The following DNASE2 variants were observed in gnomAD, a reference collection of about 807,000 sequenced individuals.
DNASE2 encodes the protein deoxyribonuclease-2-alpha.
In DNASE2, 26 loss-of-function variants were observed where a neutral mutation model predicts 29.8. That is an observed-to-expected ratio of 0.87 (90% CI 0.64 to 1.21). The LOEUF is 1.21. Ranked by LOEUF, DNASE2 falls within the 50% of genes most tolerant of loss-of-function variation. The probability of loss-of-function intolerance (pLI) is 0.00; values close to 1 mark genes in which losing one functional copy is unlikely to be tolerated. For missense variants in DNASE2, 415 were observed against 455.6 expected (o/e 0.91, Z 0.81); for synonymous variants, 186 against 193.5 (o/e 0.96, Z 0.32).
At chr19:12,880,724 G>C in intron 3 of DNASE2, 78 bp downstream of exon 3, 4 of 1,582,764 alleles carry the variant, frequency 2.5e-6, no homozygotes, top group Admixed American at 1.7e-5. Context: ...AGATCTCCCC[G>C]ACCACCCCAT....
At position 12,881,112 on chromosome 19, in the gene DNASE2, C is replaced by G. The variant is rs779530442; in HGVS notation, c.127G>C (p.Glu43Gln). 2 of 1,611,770 alleles carry G rather than the reference C, an allele frequency of 1.2e-6. No homozygotes were observed. Among genetic ancestry groups the G allele is most frequent in the Admixed American group, 1.7e-5 (1 of 60,004 alleles). Residue 43 changes from glutamate to glutamine, a missense_variant, in exon 2 of 6, where the codon GAG (glutamate) becomes CAG (glutamine). Glu to Gln is a conservative substitution (Grantham distance 29, BLOSUM62 2). Coordinates refer to ENST00000222219, the MANE Select transcript of DNASE2 (RefSeq NM_001375.3). ...YKLPALRGSG[E>Q]AAQRGLQYKY... ...TACTGCAGCCCTCTCTGCGCCGCCT[C>G]CCCGGACCCTCTAAGAGCTGGCAGC...
chr19:12,881,316 G>A lies in DNASE2; in HGVS notation c.60C>T (p.Tyr20=), dbSNP rs1327349557. The A allele has an allele frequency of 3.2e-6, 5 of 1,571,674 alleles. No homozygotes were observed. The Admixed American group carries it at 9.4e-5, about 30-fold the overall frequency. The change falls in exon 1 of 6, where the codon TAC becomes TAT. Residue 20 remains tyrosine, a synonymous_variant. Coordinates refer to ENST00000222219, the MANE Select transcript of DNASE2 (RefSeq NM_001375.3). ...LCVPAGALTC[Y]GDSGQPVDWF... ...AGTCTACAGGCTGCCCGGAGTCCCC[G>A]TAGCAGGTCAGGGCCCCGGCGGGGA...
In DNASE2 at chr19:12,875,708, C is replaced by CTTT; in HGVS notation, c.*279_*281dup. ...TGCACCCACCCGTCCCCCGCCCCCC[C>CTTT]TTTTTTTTTGAAACAGAGTCTTGCT... On this transcript the variant is annotated 3_prime_UTR_variant, in exon 6 of 6. Transcript: ENST00000222219. 3.3e-6 allele frequency: 1 copy of CTTT among 300,398 alleles called. No individual in the cohort carries two copies. Among genetic ancestry groups the CTTT allele is most frequent in the South Asian group, 3.6e-5 (1 of 27,936 alleles). 18.6% of individuals were successfully genotyped at this position (300,398 alleles called of 1,614,324 possible).
At chr19:12,880,102 C>CAA (rs71168631) in intron 3 of DNASE2, among the ~76,000 whole-genome samples, 14 of 42,444 alleles carry the variant, frequency 3.3e-4, no homozygotes, top group East Asian at 5.3e-4. Flanking sequence ...GAGAGTGCCG[C>CAA]AAAAAAAAAA....
chr19:12,881,086 G>T lies in DNASE2; in HGVS notation c.153C>A (p.Tyr51Ter). Reference sequence around the variant, plus strand: ...CTCCGGAGCTCTCGTCCAGATACTTGTACTGCAGCCCTCTCTGCGCCGCCT... The same window carrying T: ...CTCCGGAGCTCTCGTCCAGATACTTTTACTGCAGCCCTCTCTGCGCCGCCT... The part of the protein sequence containing the change: ...SGEAAQRGLQ[Y>*]KYLDESSGGW... Residue 51 changes from tyrosine to a stop codon, truncating the protein, a stop_gained, in exon 2 of 6, where the codon TAC (tyrosine) becomes TAA (stop). Transcript: ENST00000222219. LOFTEE classifies it high-confidence loss of function. 6.2e-7 allele frequency: 1 copy of T among 1,612,376 alleles called. No homozygotes were observed.
At position 12,878,561 on chromosome 19, in the gene DNASE2, G is replaced by T. The variant is rs919748766; in HGVS notation, c.530C>A (p.Thr177Asn). ...FSKMGKQLTY[T>N]YPWVYNYQLE... ...CTGGTAGTTATAGACCCAGGGGTAG[G>T]TGTAGGTCAGCTGCTTGCCTGGAGG... is the stretch of plus-strand genomic sequence containing the variant. The change falls in exon 5 of 6, where the codon ACC (threonine) becomes AAC (asparagine). Residue 177 changes from threonine (T) to asparagine (N), a missense_variant. Coordinates refer to ENST00000222219, the MANE Select transcript of DNASE2 (RefSeq NM_001375.3). The T allele has an allele frequency of 1.9e-6, 3 of 1,614,150 alleles. No individual in the cohort carries two copies.
At chr19:12,878,023 CA>C (rs1970339178) in intron 5 of DNASE2, 1 of 349,928 alleles carries the variant, frequency 2.9e-6, no homozygotes, top group African/African-American at 2.1e-5. Flanking sequence ...CTATGTTTCC[CA>C]GGCTTGTCTT....
chr19:12,880,265 A>G (rs970316083), intron 3 of DNASE2, among the ~76,000 whole-genome samples: 1 of 151,696 alleles, frequency 6.6e-6, no homozygotes, highest in African/African-American at 2.4e-5. Context: ...GACCTTGTCT[A>G]AAAGAAAATA....
At chr19:12,878,086 A>T in intron 5 of DNASE2, 1 of 423,216 alleles carries the variant, frequency 2.4e-6, no homozygotes, top group South Asian at 2.1e-5. Flanking sequence ...AGTAACTGGG[A>T]TTACAGGAGT....
chr19:12,880,827 G>T lies in DNASE2; in HGVS notation c.321C>A (p.Asp107Glu). 1.2e-6 allele frequency: 2 copies of T among 1,614,244 alleles called. No individual in the cohort carries two copies. Among genetic ancestry groups the T allele is most frequent in the Middle Eastern group, 1.7e-4 (1 of 6,060 alleles). The change falls in exon 3 of 6, where the codon GAC becomes GAA. Residue 107 changes from aspartate to glutamate, a missense_variant. By Grantham distance (45) the Asp-to-Glu change is conservative. Transcript: ENST00000222219. ...CCTTCGTGTGCCCACGCATGGAAGAGTCCTGAGCCTTGCTGGGTTGAGGCG... is the reference window on the plus strand; with the variant it reads ...CCTTCGTGTGCCCACGCATGGAAGATTCCTGAGCCTTGCTGGGTTGAGGCG... Reference protein sequence around the residue: ...DQPPQPSKAQDSSMRGHTKGV... With the variant: ...DQPPQPSKAQESSMRGHTKGV...
intron 5 of DNASE2, 84 bp from the exon 6 acceptor site, chr19:12,876,447 T>C: frequency 2.0e-6 from 3 of 1,482,734 alleles, no homozygotes; most frequent in Non-Finnish European, 2.7e-6. Context: ...CTCAGCTCAG[T>C]TTCCATATTT....
Position 12,875,793 on chromosome 19 carries a change from G to A in DNASE2, c.*197C>T, listed in dbSNP as rs1016329104. ...TGACCATGATCTCCCTGGTTCAATC[G>A]ATCCTCTGGCTTCAGTGGCTGGGAC... On this transcript the variant is annotated 3_prime_UTR_variant, in exon 6 of 6. Coordinates refer to ENST00000222219, the MANE Select transcript of DNASE2 (RefSeq NM_001375.3). 1.7e-6 allele frequency: 1 copy of A among 573,180 alleles called. No homozygotes were observed. Among genetic ancestry groups the A allele is most frequent in the Non-Finnish European group, 3.0e-6 (1 of 334,968 alleles). 35.5% of individuals were successfully genotyped at this position (573,180 alleles called of 1,614,324 possible).
At chr19:12,876,458 C>CA in intron 5 of DNASE2, 95 bp from the exon 6 acceptor site, 1 of 1,380,630 alleles carries the variant, frequency 7.2e-7, no homozygotes, top group Non-Finnish European at 9.5e-7. Flanking sequence ...TTCCATATTT[C>CA]CTTTTTTTTT....
At chr19:12,876,414 A>G (rs187276949) in intron 5 of DNASE2, 51 bp from the exon 6 acceptor site, 7 of 1,585,194 alleles carry the variant, frequency 4.4e-6, no homozygotes, top group Middle Eastern at 2.1e-4. Context: ...ACTGCGAGGG[A>G]GTCCCTAGTC....
At position 12,881,116 on chromosome 19, in the gene DNASE2, G is replaced by C. The variant is rs758872356; in HGVS notation, c.123C>G (p.Ser41=). The C allele has an allele frequency of 6.2e-7, 1 of 1,611,774 alleles. No homozygotes were observed. Among genetic ancestry groups the C allele is most frequent in the Non-Finnish European group, 8.5e-7 (1 of 1,179,984 alleles). The part of the protein sequence containing the change: ...VVYKLPALRG[S]GEAAQRGLQY... ...GCAGCCCTCTCTGCGCCGCCTCCCC[G>C]GACCCTCTAAGAGCTGGCAGCTTGT... Residue 41 remains serine (S), a synonymous_variant, in exon 2 of 6, where the codon TCC becomes TCG. Transcript: ENST00000222219.
chr19:12,875,896 T>A lies in DNASE2; in HGVS notation c.*94A>T. ...TGTGGTCTCACTATGTAGCCCAGGC[T>A]GGTCTCGAATTCCTGAGTTCAAGTG... On this transcript the variant is annotated 3_prime_UTR_variant, in exon 6 of 6. Transcript: ENST00000222219. 1 of 1,524,412 alleles carries A rather than the reference T, an allele frequency of 6.6e-7. No homozygotes were observed. The highest frequency in any genetic ancestry group is 1.7e-5 in the Admixed American group (1 of 57,810). 94.4% of individuals were successfully genotyped at this position (1,524,412 alleles called of 1,614,324 possible). A position where few individuals can be genotyped will look rare whatever the true frequency, so the allele number is the denominator to read the frequency against.
In DNASE2 at chr19:12,876,240, T is replaced by C. The variant is rs1400527710; in HGVS notation, c.833A>G (p.Gln278Arg). The C allele has an allele frequency of 3.1e-6, 5 of 1,614,200 alleles. No individual in the cohort carries two copies. Among genetic ancestry groups the C allele is most frequent in the Non-Finnish European group, 4.2e-6 (5 of 1,180,050 alleles). ...GCCGGCTGGTCCAGGGAAAGCTATC[T>C]GGTTCACATTCAGAACCTGCCAGAT... is the stretch of plus-strand genomic sequence containing the variant. ...SDIWQVLNVN[Q>R]IAFPGPAGPS... The change falls in exon 6 of 6, where the codon CAG (glutamine) becomes CGG (arginine). Residue 278 changes from glutamine to arginine, a missense_variant. Transcript: ENST00000222219.
Position 12,876,306 on chromosome 19 carries a change from C to G in DNASE2, c.767G>C (p.Trp256Ser). Residue 256 changes from tryptophan (W) to serine (S), a missense_variant, in exon 6 of 6, where the codon TGG becomes TCG. By Grantham distance (177) the Trp-to-Ser change is radical. Coordinates refer to ENST00000222219, the MANE Select transcript of DNASE2 (RefSeq NM_001375.3). Reference sequence around the variant, plus strand: ...GGGCAGGATGCCTACAGTTTTGTGCCAGAACTGGACCTGCAGGTTGGTACC... The same window carrying G: ...GGGCAGGATGCCTACAGTTTTGTGCGAGAACTGGACCTGCAGGTTGGTACC... ...ALGTNLQVQF[W>S]HKTVGILPSN... 2 of 1,614,084 alleles carry G rather than the reference C, an allele frequency of 1.2e-6. No homozygotes were observed. Among genetic ancestry groups the G allele is most frequent in the Non-Finnish European group, 1.7e-6 (2 of 1,180,034 alleles).
chr19:12,878,854 TA>T lies in DNASE2; in HGVS notation c.347-21del. 1 of 1,608,318 alleles carries T rather than the reference TA, an allele frequency of 6.2e-7. No homozygotes were observed. Among genetic ancestry groups the T allele is most frequent in the Non-Finnish European group, 8.5e-7 (1 of 1,177,980 alleles). On this transcript the variant is annotated intron_variant, in intron 3 of 5. Transcript: ENST00000222219. ...GGACACCTGGACCAAAAGAAGGCAT[TA>T]GGGGAGGTCGGGCGCAGTGGCTCAC...
Sources: gnomAD v4.1 joint callset for allele counts (sites outside exome capture counted in the v4.1 genomes callset) on GRCh38, gnomAD v4.1.1 for gene constraint, MANE v1.5 for transcripts, NCBI Gene and HGNC (gene_info 2026-07-23, HGNC 2026-07-21) for gene names.